Variants in RNF170 observed in about 807,000 individuals in gnomAD.
RNF170 encodes the protein ring finger protein 170.
A neutral mutation model predicts 32.7 loss-of-function variants in RNF170; 12 were observed. The ratio of observed to expected loss-of-function variants is 0.37; its 90% confidence interval spans 0.24 to 0.60. The LOEUF (loss-of-function observed/expected upper bound fraction) is 0.60, where lower values mean the gene tolerates loss of function less well. Among genes scored for constraint, RNF170 ranks in the 20% least tolerant of loss-of-function variants. The pLI is 0.72. For missense variants in RNF170, 212 were observed against 311.2 expected (o/e 0.68, Z 2.40); for synonymous variants, 91 against 103.6 (o/e 0.88, Z 0.74).
chr8:42,884,323 A>C (rs2128949113), intron 2 of RNF170, among the ~76,000 whole-genome samples: 1 of 152,194 alleles, frequency 6.6e-6, no homozygotes, highest in African/African-American at 2.4e-5. Flanking sequence ...ACCTCCAGCC[A>C]TCCATCCACC....
intron 2 of RNF170, among the ~76,000 whole-genome samples, chr8:42,877,116 C>T (rs953113824): frequency 1.3e-5 from 2 of 150,538 alleles, no homozygotes; most frequent in Non-Finnish European, 2.9e-5. Flanking sequence ...TTAGTAGAGA[C>T]GGGGTTTCAC....
chr8:42,851,025 TA>T (rs1586464089), downstream of RNF170: 1 of 1,549,326 alleles, frequency 6.5e-7, no homozygotes, highest in Non-Finnish European at 8.7e-7. Flanking sequence ...AATGACCTTT[TA>T]AAAATGTTTG....
At chr8:42,897,292 T>A, upstream of RNF170, 3 of 660,838 alleles carry the variant, frequency 4.5e-6, no homozygotes, top group Non-Finnish European at 6.3e-6. Flanking sequence ...GACGGTGCCG[T>A]CACATCCGGG....
intron 4 of RNF170, 149 bp downstream of exon 4, chr8:42,869,855 T>C (rs1804393048): frequency 2.9e-6 from 2 of 696,306 alleles, no homozygotes. Flanking sequence ...GTATACTTGG[T>C]TGACAAGTAG....
chr8:42,867,170 T>C lies in RNF170; in HGVS notation c.323-1681A>G, dbSNP rs536750239. Among the ~76,000 whole-genome samples the C allele has an allele frequency of 1.1e-3, 168 of 152,234 alleles. 1 individual carries two copies. Among genetic ancestry groups the C allele is most frequent in the Non-Finnish European group, 2.0e-3 (136 of 68,012 alleles). On this transcript the variant is annotated intron_variant, in intron 4 of 6. Transcript: ENST00000527424. Reference sequence around the variant, plus strand: ...AGGCAAATCTTCAACTGTGTAATATTAACTTGAAATACAAAAAAGGGCCTG... The same window carrying C: ...AGGCAAATCTTCAACTGTGTAATATCAACTTGAAATACAAAAAAGGGCCTG...
At chr8:42,896,254 C>G (rs946633914) in intron 1 of RNF170, 1 of 342,978 alleles carries the variant, frequency 2.9e-6, no homozygotes, top group African/African-American at 2.3e-5. Flanking sequence ...CCAAACCCAC[C>G]TAGAGCCGCT....
chr8:42,865,317 G>C (rs1804002947), intron 5 of RNF170, 99 bp downstream of exon 5: 1 of 847,544 alleles, frequency 1.2e-6, no homozygotes. Flanking sequence ...ATGAAGTTCT[G>C]CTAAAAAGAC....
chr8:42,865,498 C>A lies in RNF170; in HGVS notation c.323-9G>T, dbSNP rs771183602. 10 of 1,600,508 alleles carry A rather than the reference C, an allele frequency of 6.2e-6. No individual in the cohort carries two copies. Among genetic ancestry groups the A allele is most frequent in the Non-Finnish European group, 8.6e-6 (10 of 1,168,010 alleles). ...AGCAATAATGCAGGCACCTAATAGA[C>A]AAAACAAAACAAACACATAACCCAT... On this transcript the variant is annotated splice_polypyrimidine_tract_variant and intron_variant, in intron 4 of 6. Coordinates refer to ENST00000527424, the MANE Select transcript of RNF170 (RefSeq NM_030954.4).
Position 42,855,087 on chromosome 8 carries a change from C to G in RNF170, c.*1072G>C, listed in dbSNP as rs1563653441. The G allele has an allele frequency of 3.1e-6, 4 of 1,287,250 alleles. No individual in the cohort carries two copies. Among genetic ancestry groups the G allele is most frequent in the Non-Finnish European group, 2.0e-6 (2 of 988,708 alleles). The allele number at this position is 1,287,250 out of a possible 1,614,324, so 79.7% of individuals were successfully genotyped here. A position where few individuals can be genotyped will look rare whatever the true frequency, so the allele number is the denominator to read the frequency against. Reference sequence around the variant, plus strand: ...TTCCTCAGAAATGCATCAGGCTACTCTGTGTTTGCAGCATCGCCCAGGTTC... The same window carrying G: ...TTCCTCAGAAATGCATCAGGCTACTGTGTGTTTGCAGCATCGCCCAGGTTC... On this transcript the variant is annotated 3_prime_UTR_variant, in exon 7 of 7. Transcript: ENST00000527424.
rs576031204 is a variant in RNF170, at chr8:42,855,634, A to C, written c.*525T>G. On this transcript the variant is annotated 3_prime_UTR_variant, in exon 7 of 7. Coordinates refer to ENST00000527424, the MANE Select transcript of RNF170 (RefSeq NM_030954.4). ...CTGATAGCAAATAATTAATTATACC[A>C]GAATGAAAAGGCAGAACTGCTCCAA... 2.7e-5 allele frequency: 35 copies of C among 1,284,476 alleles called. No homozygotes were observed. Among genetic ancestry groups the C allele is most frequent in the Non-Finnish European group, 3.3e-5 (33 of 986,142 alleles). 79.6% of individuals were successfully genotyped at this position (1,284,476 alleles called of 1,614,324 possible).
rs539870997 is a variant in RNF170, at chr8:42,896,597, T to G, written c.-121A>C. ...ACCCACTAGACGTCCCCTTTCTAAT[T>G]TGGAGTGCGGGTGCGGGCGCACGCG... On this transcript the variant is annotated 5_prime_UTR_variant, in exon 1 of 7. Transcript: ENST00000527424. The G allele has an allele frequency of 1.1e-5, 5 of 453,604 alleles. No individual in the cohort carries two copies. Among genetic ancestry groups the G allele is most frequent in the South Asian group, 7.8e-5 (5 of 64,504 alleles). The allele number at this position is 453,604 out of a possible 1,614,324, so 28.1% of individuals were successfully genotyped here.
At chr8:42,859,683 C>T (rs748295655) in intron 6 of RNF170, among the ~76,000 whole-genome samples, 23 of 151,830 alleles carry the variant, frequency 1.5e-4, no homozygotes, top group Admixed American at 2.6e-4. Context: ...AGGTCTCACT[C>T]GATCACCCAG....
intron 2 of RNF170, among the ~76,000 whole-genome samples, chr8:42,886,926 G>A (rs1255007849): frequency 6.6e-6 from 1 of 152,102 alleles, no homozygotes; most frequent in Admixed American, 6.5e-5. Context: ...GGCTGAGTCG[G>A]GTGGTTCACT....
intron 2 of RNF170, among the ~76,000 whole-genome samples, chr8:42,885,790 A>T (rs1805768442): frequency 6.6e-6 from 1 of 152,018 alleles, no homozygotes; most frequent in Non-Finnish European, 1.5e-5. Flanking sequence ...ACAGGGTCTT[A>T]TTCTGTTGCC....
chr8:42,895,526 G>A (rs1263964788), intron 1 of RNF170, among the ~76,000 whole-genome samples: 1 of 152,140 alleles, frequency 6.6e-6, no homozygotes, highest in Non-Finnish European at 1.5e-5. Flanking sequence ...AATTCTCTAA[G>A]GACTCCAAAG....
At chr8:42,875,029 G>A (rs1232641826) in intron 2 of RNF170, among the ~76,000 whole-genome samples, 1 of 151,958 alleles carries the variant, frequency 6.6e-6, no homozygotes, top group African/African-American at 2.4e-5. Flanking sequence ...AAATTAGCCG[G>A]GCTTAGTGGC....
chr8:42,851,564 C>CAAAAA (rs11345853), downstream of RNF170, among the ~76,000 whole-genome samples: 2 of 82,572 alleles, frequency 2.4e-5, no homozygotes, highest in African/African-American at 7.7e-5. Context: ...GACTCCGTCT[C>CAAAAA]AAAAAAAAAA....
intron 2 of RNF170, among the ~76,000 whole-genome samples, chr8:42,876,769 C>A (rs1235151560): frequency 6.7e-6 from 1 of 149,322 alleles, no homozygotes; most frequent in Non-Finnish European, 1.5e-5. Context: ...TAGTGATTCT[C>A]CTGCCTCAGC....
chr8:42,873,680 C>A lies in RNF170; in HGVS notation c.213+251G>T, dbSNP rs79087441. 5.4e-4 allele frequency among the ~76,000 whole-genome samples: 82 copies of A among 152,218 alleles called. No homozygotes were observed. In the East Asian group the frequency reaches 0.014, roughly 27 times the overall value. On this transcript the variant is annotated intron_variant, in intron 3 of 6. Coordinates refer to ENST00000527424, the MANE Select transcript of RNF170 (RefSeq NM_030954.4). ...CAATTAGACAGCAATTATTTCTACA[C>A]TAATAAATAATAGGAAAACTGCTAT...
Sources: allele counts gnomAD v4.1 joint callset (sites outside exome capture counted in the v4.1 genomes callset), GRCh38; gene constraint gnomAD v4.1.1; transcripts MANE v1.5; gene names NCBI Gene and HGNC (gene_info 2026-07-23, HGNC 2026-07-21).